Variants in INSR observed in about 807,000 individuals in gnomAD.
The protein encoded by INSR is IR.
In INSR, 67 loss-of-function variants were observed where a neutral mutation model predicts 142.6. The ratio of observed to expected loss-of-function variants is 0.47; its 90% CI spans 0.39 to 0.58. The LOEUF (loss-of-function observed/expected upper bound fraction) is 0.58, where lower values mean the gene tolerates loss of function less well. INSR is among the 20% of genes least tolerant of loss of function. The pLI is 0.00. For synonymous variants in INSR, 756 were observed against 743.1 expected, an observed-to-expected ratio of 1.02 and a Z score of -0.28; for missense variants, 1,248 against 1,833.2, an observed-to-expected ratio of 0.68 and a Z score of 5.83.
intron 2 of INSR, among the ~76,000 whole-genome samples, chr19:7,233,946 C>A (rs966852828): frequency 2.6e-5 from 4 of 151,786 alleles, no homozygotes; most frequent in Non-Finnish European, 1.5e-5. Flanking sequence ...TTCTGTCACA[C>A]AGGCTGGAGT....
Position 7,159,503 on chromosome 19 carries a change from T to G in INSR, c.2029+3529A>C, listed in dbSNP as rs1363919821. The G allele has an allele frequency of 3.3e-5, 5 of 151,042 alleles. No homozygotes were observed. In the East Asian group the frequency reaches 7.9e-4, roughly 24 times the overall value. The allele number at this position is 151,042 out of a possible 1,614,324, so 9.4% of individuals were successfully genotyped here. A position where few individuals can be genotyped will look rare whatever the true frequency, so the allele number is the denominator to read the frequency against. On this transcript the variant is annotated intron_variant, in intron 9 of 21. Coordinates refer to ENST00000302850, the MANE Select transcript of INSR (RefSeq NM_000208.4). The surrounding 1 kb of genome is among the most constrained non-coding windows in gnomAD (Gnocchi z 4.3). The stretch of plus-strand genomic sequence containing the variant: ...AAACCATGTTTAAATGGTCCCTTGG[T>G]AATTACAGATTTAGACTTTCGGAAT...
chr19:7,124,940 A>C (rs1972609935), intron 17 of INSR, among the ~76,000 whole-genome samples: 1 of 152,008 alleles, frequency 6.6e-6, no homozygotes, highest in Non-Finnish European at 1.5e-5. Flanking sequence ...GAGTCTAAAA[A>C]GCAATGGAAG....
rs74446840 is a variant in INSR at position 7,289,408 on chromosome 19, T to C, written c.100+4384A>G. Among the ~76,000 whole-genome samples, 222 of 122,062 alleles carry C rather than the reference T, an allele frequency of 1.8e-3. 1 individual carries two copies. Among genetic ancestry groups the C allele is most frequent in the African/African-American group, 8.0e-3 (167 of 20,840 alleles). The allele number at this position is 122,062 out of a possible 152,430, so 80.1% of individuals were successfully genotyped here. A position where few individuals can be genotyped will look rare whatever the true frequency, so the allele number is the denominator to read the frequency against. ...AATGAAGATTCTTTTTTCTTTTCTT[T>C]TTTTTTTTTTTTTTTGAGACAGAGT... is the stretch of plus-strand genomic sequence containing the variant. On this transcript the variant is annotated intron_variant, in intron 1 of 21. Transcript: ENST00000302850.
intron 2 of INSR, among the ~76,000 whole-genome samples, chr19:7,209,138 C>T (rs879344585): frequency 2.6e-5 from 4 of 152,124 alleles, no homozygotes; most frequent in East Asian, 1.9e-4. Flanking sequence ...CCAGCCTGGG[C>T]GACAGAGCAA....
At chr19:7,205,447 T>C (rs1469011808) in intron 2 of INSR, among the ~76,000 whole-genome samples, 4 of 152,198 alleles carry the variant, frequency 2.6e-5, no homozygotes, top group Non-Finnish European at 5.9e-5. Flanking sequence ...CTCACCTTCC[T>C]TCCTCATGTC....
intron 1 of INSR, among the ~76,000 whole-genome samples, chr19:7,284,792 C>T (rs976952762): frequency 6.6e-6 from 1 of 152,216 alleles, no homozygotes; most frequent in Non-Finnish European, 1.5e-5. Flanking sequence ...ACTCCCAAAG[C>T]GCTGGGCATG....
intron 10 of INSR, among the ~76,000 whole-genome samples, chr19:7,151,209 T>C (rs1973348126): frequency 7.2e-6 from 1 of 137,986 alleles, no homozygotes; most frequent in African/African-American, 2.8e-5. Context: ...TCTTTCTTTC[T>C]TTTTCTTTCT....
chr19:7,172,483 T>C, intron 4 of INSR, 49 bp from the exon 5 acceptor site: 2 of 1,587,618 alleles, frequency 1.3e-6, no homozygotes, highest in Non-Finnish European at 1.7e-6. Flanking sequence ...CATATTTCAA[T>C]CTTCTCATGA....
At chr19:7,141,967 C>T in intron 12 of INSR, 151 bp from the exon 13 acceptor site, 2 of 711,136 alleles carry the variant, frequency 2.8e-6, no homozygotes, top group Non-Finnish European at 5.1e-6. Flanking sequence ...ACTCATCCCA[C>T]AAGATTGTTA....
intron 9 of INSR, among the ~76,000 whole-genome samples, chr19:7,153,213 C>T (rs1973461834): frequency 1.3e-5 from 1 of 77,014 alleles, no homozygotes; most frequent in African/African-American, 4.5e-5. Flanking sequence ...ACACCACACA[C>T]CACACACACG....
chr19:7,274,234 A>G (rs1968000127), intron 1 of INSR, among the ~76,000 whole-genome samples: 1 of 152,042 alleles, frequency 6.6e-6, no homozygotes, highest in East Asian at 1.9e-4. Flanking sequence ...CCTTGTATGC[A>G]CAGTTCACGA....
chr19:7,234,859 C>A (rs1197273667), intron 2 of INSR, among the ~76,000 whole-genome samples: 2 of 151,976 alleles, frequency 1.3e-5, no homozygotes, highest in African/African-American at 4.8e-5. Flanking sequence ...GAGATCGACA[C>A]CATCCTGACT....
intron 2 of INSR, among the ~76,000 whole-genome samples, chr19:7,259,925 A>G (rs1977008484): frequency 6.6e-6 from 1 of 152,090 alleles, no homozygotes; most frequent in Non-Finnish European, 1.5e-5. Context: ...GATTCCTTAG[A>G]GTCCAGGAGT....
intron 9 of INSR, among the ~76,000 whole-genome samples, chr19:7,156,458 G>A (rs6510951): frequency 0.29 from 43,467 of 151,950 alleles, 6,745 homozygotes; most frequent in African/African-American, 0.4. Context: ...TCCTACTAGG[G>A]ACATTGGGCA....
rs1445673171 is a variant in INSR, at chr19:7,119,648, GCAAA to G, written c.3660-69_3660-66del. On this transcript the variant is annotated intron_variant, in intron 20 of 21. Transcript: ENST00000302850. This position sits in a 1 kb window ranked among gnomAD's most constrained non-coding sequence, Gnocchi z 5.2. ...TAGACACACACACACACGCGCGCGCGCAAACACACACACGCAAACGCACACACAC... is the reference window on the plus strand; with the variant it reads ...TAGACACACACACACACGCGCGCGCGCACACACACGCAAACGCACACACAC... 47 of 1,550,946 alleles carry G rather than the reference GCAAA, an allele frequency of 3.0e-5. No individual in the cohort carries two copies. The highest frequency in any genetic ancestry group is 2.2e-4 in the East Asian group (10 of 44,498).
intron 14 of INSR, among the ~76,000 whole-genome samples, chr19:7,131,718 G>A (rs1390355639): frequency 7.0e-6 from 1 of 143,182 alleles, no homozygotes; most frequent in East Asian, 2.1e-4. Flanking sequence ...GCAGGATCAG[G>A]CCAGGCATGG....
chr19:7,235,061 A>AAAAT (rs142253269), intron 2 of INSR, among the ~76,000 whole-genome samples: 1 of 150,344 alleles, frequency 6.7e-6, no homozygotes, highest in African/African-American at 2.5e-5. Flanking sequence ...CCGTCTCAAA[A>AAAAT]AATAATAATA....
At chr19:7,286,920 C>T (rs773646590) in intron 1 of INSR, among the ~76,000 whole-genome samples, 8 of 152,166 alleles carry the variant, frequency 5.3e-5, no homozygotes, top group Non-Finnish European at 7.4e-5. Flanking sequence ...AATCACAGCT[C>T]ACTGCAGCCT....
At chr19:7,191,116 G>C (rs1385715577) in intron 2 of INSR, among the ~76,000 whole-genome samples, 1 of 152,054 alleles carries the variant, frequency 6.6e-6, no homozygotes, top group East Asian at 1.9e-4. Flanking sequence ...GGCCGACATG[G>C]TGAAACCCCA....
Sources: gnomAD v4.1 joint callset for allele counts (sites outside exome capture counted in the v4.1 genomes callset) on GRCh38, gnomAD v4.1.1 for gene constraint, Gnocchi (gnomAD v3.1) non-coding constraint, MANE v1.5 for transcripts, NCBI Gene and HGNC (gene_info 2026-07-23, HGNC 2026-07-21) for gene names.